TMC1: variants seen among roughly 807,000 people sequenced by gnomAD.
The protein encoded by TMC1 is transmembrane channel like 1, also known as transmembrane channel-like protein 1.
Under a neutral mutation model 105.8 loss-of-function variants are expected in TMC1, and 84 were observed. The observed-to-expected ratio is 0.79, with a 90% confidence interval of 0.67 to 0.95. TMC1 has a LOEUF of 0.95. Ranked by LOEUF, TMC1 falls within the 40% of genes least tolerant of loss-of-function variation. The probability of loss-of-function intolerance (pLI) is 0.00; values close to 1 mark genes in which losing one functional copy is unlikely to be tolerated. For missense variants in TMC1, 817 were observed against 914.1 expected, an observed-to-expected ratio of 0.89 and a Z score of 1.37; for synonymous variants, 315 against 311.5, an observed-to-expected ratio of 1.01 and a Z score of -0.12.
At chr9:72,746,756 C>A (rs968827700) in intron 10 of TMC1, among the ~76,000 whole-genome samples, 3 of 152,110 alleles carry the variant, frequency 2.0e-5, no homozygotes, top group African/African-American at 4.8e-5. Flanking sequence ...CTGATGACTC[C>A]CAACTCTGTT....
intron 6 of TMC1, among the ~76,000 whole-genome samples, chr9:72,694,227 G>T (rs1663742): frequency 2.0e-5 from 3 of 151,918 alleles, no homozygotes; most frequent in Non-Finnish European, 4.4e-5. Context: ...AGAGGTCATG[G>T]TATGATATTA....
At chr9:72,680,588 T>C (rs1331777900) in intron 5 of TMC1, among the ~76,000 whole-genome samples, 1 of 152,156 alleles carries the variant, frequency 6.6e-6, no homozygotes, top group Non-Finnish European at 1.5e-5. Flanking sequence ...GTCAGGAAGA[T>C]AGATCTTCTA....
At chr9:72,756,637 T>C (rs965118071) in intron 12 of TMC1, among the ~76,000 whole-genome samples, 2 of 152,182 alleles carry the variant, frequency 1.3e-5, no homozygotes, top group Admixed American at 6.5e-5. Context: ...GTCTGCTTAA[T>C]AAGAACAAGG....
At chr9:72,598,886 G>A (rs897370109) in intron 2 of TMC1, among the ~76,000 whole-genome samples, 3 of 152,190 alleles carry the variant, frequency 2.0e-5, no homozygotes, top group Non-Finnish European at 2.9e-5. Context: ...CACGTGGTTA[G>A]ATGCCGACAA....
chr9:72,657,082 G>A (rs1012579651), intron 5 of TMC1, among the ~76,000 whole-genome samples: 1 of 152,192 alleles, frequency 6.6e-6, no homozygotes, highest in Non-Finnish European at 1.5e-5. Flanking sequence ...TTCAGCCAAA[G>A]TTTGAAAGGA....
chr9:72,820,654 T>G (rs1828852579), intron 19 of TMC1, among the ~76,000 whole-genome samples, 188 bp from the exon 20 acceptor site: 1 of 152,202 alleles, frequency 6.6e-6, no homozygotes, highest in South Asian at 2.1e-4. Flanking sequence ...ATGGGGAAAG[T>G]GGCAAAATGT....
At chr9:72,612,479 A>T (rs1564444362) in intron 2 of TMC1, among the ~76,000 whole-genome samples, 5 of 147,196 alleles carry the variant, frequency 3.4e-5, no homozygotes, top group Non-Finnish European at 1.5e-5. Context: ...CGGCCCAAAC[A>T]TTTTTTTTTT....
chr9:72,573,566 A>G (rs1824324060), intron 1 of TMC1, among the ~76,000 whole-genome samples: 1 of 152,208 alleles, frequency 6.6e-6, no homozygotes, highest in Non-Finnish European at 1.5e-5. Flanking sequence ...GCTTTAAACC[A>G]TTAAGGGGGC....
chr9:72,669,504 T>G (rs957888752), intron 5 of TMC1, among the ~76,000 whole-genome samples: 5 of 152,244 alleles, frequency 3.3e-5, no homozygotes, highest in African/African-American at 1.2e-4. Context: ...AGAATTTTAA[T>G]GATATTTTTG....
intron 2 of TMC1, among the ~76,000 whole-genome samples, chr9:72,587,160 CT>C (rs34700845): frequency 0.4 from 58,398 of 144,674 alleles, 12,562 homozygotes; most frequent in African/African-American, 0.6. Flanking sequence ...TAACAGATAA[CT>C]TTTTTTTTTT....
intron 1 of TMC1, among the ~76,000 whole-genome samples, chr9:72,539,165 T>A (rs1218607023): frequency 2.6e-5 from 4 of 151,810 alleles, no homozygotes; most frequent in Non-Finnish European, 5.9e-5. Context: ...GGCAGATCAA[T>A]TGGGCTCAGG....
chr9:72,822,610 A>G (rs1828894397), intron 20 of TMC1, among the ~76,000 whole-genome samples: 1 of 151,910 alleles, frequency 6.6e-6, no homozygotes, highest in Non-Finnish European at 1.5e-5. Context: ...TCTGGAGACT[A>G]AATATGAAAT....
chr9:72,793,462 C>T (rs759335609), intron 17 of TMC1, among the ~76,000 whole-genome samples: 5 of 152,180 alleles, frequency 3.3e-5, no homozygotes, highest in Non-Finnish European at 5.9e-5. Context: ...AGCCAACCAG[C>T]GGCTGAAGCA....
At chr9:72,737,905 T>A (rs1827326254) in intron 8 of TMC1, among the ~76,000 whole-genome samples, 2 of 152,206 alleles carry the variant, frequency 1.3e-5, no homozygotes, top group South Asian at 4.1e-4. Context: ...AATGTCAGGG[T>A]GTTTGACAAC....
At chr9:72,694,818 A>T in intron 7 of TMC1, 104 bp downstream of exon 7, 1 of 1,115,250 alleles carries the variant, frequency 9.0e-7, no homozygotes, top group Non-Finnish European at 1.3e-6. Flanking sequence ...TACTTTTAGA[A>T]AGAGAGCCTT....
chr9:72,550,364 G>T (rs2132071376), intron 1 of TMC1, among the ~76,000 whole-genome samples: 1 of 152,068 alleles, frequency 6.6e-6, no homozygotes, highest in East Asian at 2.0e-4. Context: ...TACTTGGGAG[G>T]CTGAGGCAGG....
At chr9:72,570,365 A>T (rs1409742628) in intron 1 of TMC1, among the ~76,000 whole-genome samples, 1 of 152,070 alleles carries the variant, frequency 6.6e-6, no homozygotes, top group Non-Finnish European at 1.5e-5. Context: ...GGTAATCCAC[A>T]ATTATGGCAA....
At chr9:72,835,206 A>G (rs768438859) in intron 23 of TMC1, among the ~76,000 whole-genome samples, 1 of 152,172 alleles carries the variant, frequency 6.6e-6, no homozygotes, top group Non-Finnish European at 1.5e-5. Context: ...GTTCAATTCA[A>G]TGTATTTACC....
intron 17 of TMC1, among the ~76,000 whole-genome samples, chr9:72,798,011 CA>C (rs2118215373): frequency 6.6e-6 from 1 of 152,042 alleles, no homozygotes; most frequent in South Asian, 2.1e-4. Flanking sequence ...GGAAATTAAA[CA>C]AATTTACAAG....
Sources: allele counts gnomAD v4.1 joint callset (sites outside exome capture counted in the v4.1 genomes callset), GRCh38; gene constraint gnomAD v4.1.1; transcripts MANE v1.5; gene names NCBI Gene and HGNC (gene_info 2026-07-23, HGNC 2026-07-21).